Variants in TBC1D1 observed in about 807,000 individuals in gnomAD.
The protein encoded by TBC1D1 is TBC1 (tre-2/USP6, BUB2, cdc16) domain family, member 1.
A neutral mutation model predicts 125.6 loss-of-function variants in TBC1D1; 89 were observed. The ratio of observed to expected loss-of-function variants is 0.71; its 90% CI spans 0.60 to 0.85. The LOEUF is 0.85. Ranked by LOEUF, TBC1D1 falls within the 40% of genes least tolerant of loss-of-function variation. The pLI, the probability that TBC1D1 is intolerant of heterozygous loss-of-function variation, is 0.00. For synonymous variants in TBC1D1, 565 were observed against 564.1 expected, an observed-to-expected ratio of 1.00 and a Z score of -0.02; for missense variants, 1,377 against 1,469.2, an observed-to-expected ratio of 0.94 and a Z score of 1.03.
At chr4:37,998,410 G>A (rs1314109907) in intron 2 of TBC1D1, among the ~76,000 whole-genome samples, 1 of 152,104 alleles carries the variant, frequency 6.6e-6, no homozygotes, top group East Asian at 1.9e-4. Flanking sequence ...TGCAAACCTG[G>A]CCAAGTCCCC....
At chr4:38,052,986 A>C in intron 11 of TBC1D1, 120 bp from the exon 13 acceptor site, 1 of 631,322 alleles carries the variant, frequency 1.6e-6, no homozygotes, top group Admixed American at 4.4e-5. Flanking sequence ...TTAATTTCTT[A>C]CCTAGTTTTC....
At chr4:38,110,840 G>C (rs1762082548) in intron 15 of TBC1D1, 14 of 985,056 alleles carry the variant, frequency 1.4e-5, no homozygotes, top group Middle Eastern at 5.2e-4. Flanking sequence ...GCAGAAATTA[G>C]CTTTCCCTGA....
intron 15 of TBC1D1, among the ~76,000 whole-genome samples, chr4:38,104,904 C>CAT (rs1265381988): frequency 6.6e-6 from 1 of 151,988 alleles, no homozygotes; most frequent in East Asian, 1.9e-4. Flanking sequence ...TACAGGTGCC[C>CAT]GCCACCATGC....
At chr4:38,087,516 G>A (rs931540195) in intron 12 of TBC1D1, among the ~76,000 whole-genome samples, 1 of 152,140 alleles carries the variant, frequency 6.6e-6, no homozygotes, top group African/African-American at 2.4e-5. Flanking sequence ...GTTTAGGTGA[G>A]GTGAGCCCTT....
At chr4:38,018,492 G>T (rs1743296932) in intron 4 of TBC1D1, 49 bp downstream of exon 4, 2 of 1,187,310 alleles carry the variant, frequency 1.7e-6, no homozygotes, top group African/African-American at 1.5e-5. Flanking sequence ...ATTTTTAAAT[G>T]AATTTCTATA....
intron 8 of TBC1D1, among the ~76,000 whole-genome samples, chr4:38,036,538 G>A (rs868438384): frequency 1.3e-5 from 2 of 152,112 alleles, no homozygotes. Flanking sequence ...CACTCCCCAC[G>A]TACGTGTTCC....
At chr4:38,048,189 TAAA>T (rs1749841697) in intron 10 of TBC1D1, among the ~76,000 whole-genome samples, 1 of 152,278 alleles carries the variant, frequency 6.6e-6, no homozygotes, top group African/African-American at 2.4e-5. Flanking sequence ...GGATCCCTTC[TAAA>T]AAATTGATCA....
At chr4:38,137,072 G>A (rs766597696) in intron 19 of TBC1D1, 63 bp from the exon 22 acceptor site, 9 of 1,607,606 alleles carry the variant, frequency 5.6e-6, no homozygotes, top group East Asian at 2.2e-5. Flanking sequence ...CAGCGTGTGG[G>A]CACTGGATCC....
intron 2 of TBC1D1, among the ~76,000 whole-genome samples, chr4:37,967,265 C>T (rs1402190240): frequency 2.0e-5 from 3 of 152,018 alleles, no homozygotes; most frequent in East Asian, 1.9e-4. Flanking sequence ...GAGGGCGAGG[C>T]GGGTGGATCA....
chr4:37,996,191 C>A, intron 2 of TBC1D1: 1 of 338,606 alleles, frequency 3.0e-6, no homozygotes, highest in South Asian at 2.3e-5. Flanking sequence ...AGGCACCCAC[C>A]ACAAGGCTTG....
intron 2 of TBC1D1, among the ~76,000 whole-genome samples, chr4:37,942,648 C>T (rs1419330350): frequency 1.3e-5 from 2 of 152,026 alleles, no homozygotes; most frequent in Non-Finnish European, 2.9e-5. Flanking sequence ...ATGCCATTCT[C>T]CTGCCTCAGC....
chr4:38,135,911 CGTGTGTGTGTATAT>C (rs1452822774), intron 19 of TBC1D1, among the ~76,000 whole-genome samples: 2 of 129,850 alleles, frequency 1.5e-5, no homozygotes, highest in African/African-American at 3.0e-5. Flanking sequence ...TGTATATATA[CGTGTGTGTGTATAT>C]GTGTGTGTGT....
At chr4:38,116,559 C>T (rs1012125192) in intron 16 of TBC1D1, among the ~76,000 whole-genome samples, 1 of 152,128 alleles carries the variant, frequency 6.6e-6, no homozygotes, top group South Asian at 2.1e-4. Context: ...AGCCTGTGAA[C>T]TTTAGGAGAG....
At chr4:38,007,384 C>T (rs560228446) in intron 2 of TBC1D1, among the ~76,000 whole-genome samples, 35 of 152,196 alleles carry the variant, frequency 2.3e-4, no homozygotes, top group Non-Finnish European at 4.3e-4. Context: ...TCCCAAGTAG[C>T]TGGGACTACA....
At chr4:38,042,358 G>A (rs938092559) in intron 8 of TBC1D1, among the ~76,000 whole-genome samples, 10 of 151,884 alleles carry the variant, frequency 6.6e-5, no homozygotes, top group South Asian at 2.1e-4. Context: ...GGGTTCGAGC[G>A]ATTCTCCTGC....
intron 11 of TBC1D1, among the ~76,000 whole-genome samples, chr4:38,050,452 T>C (rs1170359067): frequency 6.6e-6 from 1 of 152,250 alleles, no homozygotes; most frequent in Non-Finnish European, 1.5e-5. Flanking sequence ...TAGATTCTTC[T>C]AACAAGATTT....
Position 38,095,992 on chromosome 4 carries a change from T to G in TBC1D1, c.2300T>G (p.Leu767Arg). The change falls in exon 14 of 20, where the codon CTT becomes CGT. Residue 767 changes from leucine (L) to arginine (R), a missense_variant. Transcript: ENST00000261439. ...GATTATGAAGAAATTACTCCCTGTC[T>G]TAAAGAAGTAACTACAGTGTGGGAA... 6.2e-7 allele frequency: 1 copy of G among 1,614,100 alleles called. No homozygotes were observed. Among genetic ancestry groups the G allele is most frequent in the Non-Finnish European group, 8.5e-7 (1 of 1,179,978 alleles).
At chr4:37,926,603 G>C (rs969465624) in intron 2 of TBC1D1, among the ~76,000 whole-genome samples, 1 of 152,158 alleles carries the variant, frequency 6.6e-6, no homozygotes, top group South Asian at 2.1e-4. Context: ...CCCACTTCTA[G>C]GTGAGCCCTG....
intron 2 of TBC1D1, among the ~76,000 whole-genome samples, chr4:37,978,389 GT>G (rs769707975): frequency 6.6e-6 from 1 of 152,202 alleles, no homozygotes; most frequent in Non-Finnish European, 1.5e-5. Context: ...CCCAGGGCTT[GT>G]TTCCTGTGTA....
Sources: gnomAD v4.1 joint callset for allele counts (sites outside exome capture counted in the v4.1 genomes callset) on GRCh38, gnomAD v4.1.1 for gene constraint, MANE v1.5 for transcripts, NCBI Gene and HGNC (gene_info 2026-07-23, HGNC 2026-07-21) for gene names.